Variants in ACBD6 observed in about 807,000 individuals in gnomAD.
ACBD6 encodes acyl-CoA binding domain containing 6, also known as acyl-CoA-binding domain-containing protein 6.
Under a neutral mutation model 37.2 loss-of-function variants are expected in ACBD6, and 28 were observed. The ratio of observed to expected loss-of-function variants is 0.75; its 90% CI spans 0.56 to 1.03. The LOEUF is 1.03. ACBD6 is among the 50% of genes least tolerant of loss of function. The pLI, the probability that ACBD6 is intolerant of heterozygous loss-of-function variation, is 0.00. For synonymous variants in ACBD6, 113 were observed against 126.8 expected (o/e 0.89, Z 0.73); for missense variants, 340 against 337.4 (o/e 1.01, Z -0.06).
At chr1:180,282,135 A>T (rs1339331283) in intron 8 of ACBD6, among the ~76,000 whole-genome samples, 3 of 152,220 alleles carry the variant, frequency 2.0e-5, no homozygotes, top group Non-Finnish European at 4.4e-5. Context: ...CTGTAATTAA[A>T]TTGGGCAAGT....
intron 6 of ACBD6, among the ~76,000 whole-genome samples, chr1:180,319,391 A>G (rs1285087226): frequency 1.3e-5 from 2 of 152,176 alleles, no homozygotes; most frequent in Non-Finnish European, 2.9e-5. Flanking sequence ...GTAGGTATAT[A>G]TATTTGTGGG....
intron 3 of ACBD6, chr1:180,435,634 C>T: frequency 7.7e-6 from 8 of 1,035,420 alleles, no homozygotes; most frequent in Non-Finnish European, 1.2e-5. Context: ...TCCAGCTTCA[C>T]ACTAATATGA....
At chr1:180,389,209 T>A (rs1037123779) in intron 6 of ACBD6, among the ~76,000 whole-genome samples, 3 of 152,172 alleles carry the variant, frequency 2.0e-5, no homozygotes, top group African/African-American at 4.8e-5. Flanking sequence ...TGTCCATGCG[T>A]TCTCATTGTT....
intron 5 of ACBD6, among the ~76,000 whole-genome samples, chr1:180,409,220 G>C (rs1444388056): frequency 6.6e-6 from 1 of 151,992 alleles, no homozygotes; most frequent in Non-Finnish European, 1.5e-5. Flanking sequence ...GAATTTTTTT[G>C]TTTATAAGAC....
intron 6 of ACBD6, among the ~76,000 whole-genome samples, chr1:180,393,628 G>A (rs57882351): frequency 0.16 from 24,040 of 152,152 alleles, 1,963 homozygotes; most frequent in Middle Eastern, 0.22. Flanking sequence ...TTTGAAAAGC[G>A]TTTTCAATAA....
intron 7 of ACBD6, among the ~76,000 whole-genome samples, chr1:180,313,742 G>A (rs2149290551): frequency 6.6e-6 from 1 of 152,214 alleles, no homozygotes; most frequent in African/African-American, 2.4e-5. Flanking sequence ...TGTTGCTCAG[G>A]CTGGCCTCAA....
chr1:180,300,564 T>C (rs1400588559), intron 7 of ACBD6, among the ~76,000 whole-genome samples: 1 of 152,154 alleles, frequency 6.6e-6, no homozygotes, highest in Non-Finnish European at 1.5e-5. Context: ...AATATTTTAG[T>C]TTTATATATT....
chr1:180,356,196 G>A (rs1652623675), intron 6 of ACBD6, among the ~76,000 whole-genome samples: 1 of 137,658 alleles, frequency 7.3e-6, no homozygotes, highest in African/African-American at 2.7e-5. Flanking sequence ...TTTAAGACAG[G>A]GTCTTACTCT....
chr1:180,499,333 G>A (rs557574492), intron 1 of ACBD6, among the ~76,000 whole-genome samples: 32 of 152,150 alleles, frequency 2.1e-4, no homozygotes, highest in Non-Finnish European at 3.5e-4. Context: ...TGAAAACTGC[G>A]GCCCAGTGTC....
At chr1:180,436,882 T>C (rs1649059334) in intron 3 of ACBD6, among the ~76,000 whole-genome samples, 1 of 152,144 alleles carries the variant, frequency 6.6e-6, no homozygotes, top group Non-Finnish European at 1.5e-5. Context: ...ACATACTCAG[T>C]GGTGAAAAAC....
At chr1:180,374,972 T>C (rs1294627572) in intron 6 of ACBD6, among the ~76,000 whole-genome samples, 1 of 152,104 alleles carries the variant, frequency 6.6e-6, no homozygotes, top group African/African-American at 2.4e-5. Context: ...CTAGATCAAA[T>C]GGAAAGACAC....
intron 6 of ACBD6, among the ~76,000 whole-genome samples, chr1:180,328,232 CACATATATGTATATATACAT>C (rs1651330824): frequency 6.7e-6 from 1 of 148,474 alleles, no homozygotes; most frequent in Non-Finnish European, 1.5e-5. Context: ...CATATATACA[CACATATATGTATATATACAT>C]ATATATGTAT....
intron 6 of ACBD6, chr1:180,326,659 G>A (rs1240954130): frequency 6.6e-6 from 1 of 152,248 alleles, no homozygotes; most frequent in Non-Finnish European, 1.5e-5. Flanking sequence ...AATGTGCTGG[G>A]TCTCACCTGA....
chr1:180,405,024 T>C (rs746811085), intron 5 of ACBD6, among the ~76,000 whole-genome samples: 20 of 152,182 alleles, frequency 1.3e-4, no homozygotes, highest in Non-Finnish European at 2.4e-4. Context: ...TCTCAGTCAT[T>C]AGTGTGAATA....
chr1:180,325,213 T>C (rs756501933), intron 6 of ACBD6, among the ~76,000 whole-genome samples: 2 of 152,190 alleles, frequency 1.3e-5, no homozygotes, highest in Non-Finnish European at 2.9e-5. Flanking sequence ...ATCTCCTCCT[T>C]AAGGCCAATA....
intron 3 of ACBD6, among the ~76,000 whole-genome samples, chr1:180,447,872 T>C (rs1228665022): frequency 6.6e-6 from 1 of 152,062 alleles, no homozygotes; most frequent in Non-Finnish European, 1.5e-5. Context: ...TTAATATTTC[T>C]ATAATGTATC....
chr1:180,448,646 G>A (rs12076995), intron 3 of ACBD6, among the ~76,000 whole-genome samples: 1 of 152,004 alleles, frequency 6.6e-6, no homozygotes, highest in Non-Finnish European at 1.5e-5. Context: ...TCTAGAGAAC[G>A]TTACCATGAA....
intron 2 of ACBD6, 35 bp downstream of exon 2, chr1:180,495,426 C>G: frequency 6.6e-7 from 1 of 1,510,572 alleles, no homozygotes; most frequent in Non-Finnish European, 9.1e-7. Flanking sequence ...AAGCCATTTC[C>G]AACAACCTCA....
intron 3 of ACBD6, among the ~76,000 whole-genome samples, chr1:180,482,408 A>G (rs890684142): frequency 2.6e-5 from 4 of 152,098 alleles, no homozygotes; most frequent in African/African-American, 9.7e-5. Context: ...ACAAATAACA[A>G]TGGATGCTAG....
Sources: allele counts gnomAD v4.1 joint callset (sites outside exome capture counted in the v4.1 genomes callset), GRCh38; gene constraint gnomAD v4.1.1; transcripts MANE v1.5; gene names NCBI Gene and HGNC (gene_info 2026-07-23, HGNC 2026-07-21).